The following MYO16 variants were observed in gnomAD, a reference collection of about 807,000 sequenced individuals.
MYO16 encodes unconventional myosin-XVI.
In MYO16, 94 loss-of-function variants were observed where a neutral mutation model predicts 205.3. The ratio of observed to expected loss-of-function variants is 0.46; its 90% CI spans 0.39 to 0.54. The LOEUF (loss-of-function observed/expected upper bound fraction) is 0.54. MYO16 is among the 20% of genes least tolerant of loss of function. MYO16 has a pLI of 0.00. For missense variants in MYO16, 2,315 were observed against 2,387.5 expected, an observed-to-expected ratio of 0.97 and a Z score of 0.63; for synonymous variants, 988 against 954.0, an observed-to-expected ratio of 1.04 and a Z score of -0.66.
chr13:108,914,835 GT>G (rs1376647091), intron 16 of MYO16, among the ~76,000 whole-genome samples: 4 of 152,022 alleles, frequency 2.6e-5, no homozygotes, highest in Non-Finnish European at 5.9e-5. Flanking sequence ...TAGGGACGGG[GT>G]TTCACCATGT....
chr13:108,712,039 G>GTACTAAT (rs1883743557), intron 2 of MYO16, among the ~76,000 whole-genome samples: 1 of 152,160 alleles, frequency 6.6e-6, no homozygotes, highest in African/African-American at 2.4e-5. Context: ...GGCATTCTGT[G>GTACTAAT]TACTAATGAA....
intron 16 of MYO16, among the ~76,000 whole-genome samples, chr13:108,956,793 A>G (rs1341848614): frequency 6.6e-6 from 1 of 152,014 alleles, no homozygotes; most frequent in Non-Finnish European, 1.5e-5. Flanking sequence ...CTTCCTGCAC[A>G]CTTATACCTA....
In MYO16 at chr13:108,798,049, A is replaced by G. The variant is rs151090985; in HGVS notation, c.741+4409A>G. On this transcript the variant is annotated intron_variant, in intron 6 of 34. Coordinates refer to ENST00000457511, the MANE Select transcript of MYO16 (RefSeq NM_001198950.3). Reference sequence around the variant, plus strand: ...ATCTTTGAGCTTTTAACAAGAAAGTAACAATGAACAAAAGGCTAGGATGCT... The same window carrying G: ...ATCTTTGAGCTTTTAACAAGAAAGTGACAATGAACAAAAGGCTAGGATGCT... Among the ~76,000 whole-genome samples, 229 of 142,336 alleles carry G rather than the reference A, an allele frequency of 1.6e-3. 1 individual carries two copies. The highest frequency in any genetic ancestry group is 2.7e-3 in the Non-Finnish European group (177 of 65,164). The allele number at this position is 142,336 out of a possible 152,430, so 93.4% of individuals were successfully genotyped here. A position where few individuals can be genotyped will look rare whatever the true frequency, so the allele number is the denominator to read the frequency against.
intron 23 of MYO16, 141 bp from the exon 24 acceptor site, chr13:109,046,775 T>G (rs986677217): frequency 3.1e-6 from 2 of 645,466 alleles, no homozygotes; most frequent in African/African-American, 3.6e-5. Context: ...GGAACTTGCA[T>G]GTAACGTGAA....
At chr13:109,181,816 A>ATTTTTTTTTTTTTTTTTTTTTT (rs61381548) in intron 34 of MYO16, among the ~76,000 whole-genome samples, 1 of 126,262 alleles carries the variant, frequency 7.9e-6, no homozygotes. Context: ...TTATTTATTT[A>ATTTTTTTTTTTTTTTTTTTTTT]TTTTATTTTA....
chr13:109,047,080 G>A lies in MYO16; in HGVS notation c.2872+89G>A, dbSNP rs1281724240. 5 of 984,686 alleles carry A rather than the reference G, an allele frequency of 5.1e-6. No individual in the cohort carries two copies. The East Asian group carries it at 7.3e-5, about 14-fold the overall frequency. 61.0% of individuals were successfully genotyped at this position (984,686 alleles called of 1,614,324 possible). A position where few individuals can be genotyped will look rare whatever the true frequency, so the allele number is the denominator to read the frequency against. Reference sequence around the variant, plus strand: ...CTCTGAATATTTTCCTAGAAAATATGCTACCAGCTAAAGCATAATTGAAAT... The same window carrying A: ...CTCTGAATATTTTCCTAGAAAATATACTACCAGCTAAAGCATAATTGAAAT... On this transcript the variant is annotated intron_variant, in intron 24 of 34. Coordinates refer to ENST00000457511, the MANE Select transcript of MYO16 (RefSeq NM_001198950.3).
Position 108,792,512 on chromosome 13 carries a change from C to CT in MYO16, c.617-988dup, listed in dbSNP as rs35311611. Among the ~76,000 whole-genome samples the CT allele has an allele frequency of 5.8e-3, 753 of 129,276 alleles. 9 individuals are homozygous for CT. Among genetic ancestry groups the CT allele is most frequent in the African/African-American group, 0.015 (513 of 34,522 alleles). 84.8% of individuals were successfully genotyped at this position (129,276 alleles called of 152,430 possible). A position where few individuals can be genotyped will look rare whatever the true frequency, so the allele number is the denominator to read the frequency against. ...AGTTTTCCAGTTTTTATACTAATGT[C>CT]TTTTTTTTTTTTTTTTGAGATGGAG... On this transcript the variant is annotated intron_variant, in intron 5 of 34. Coordinates refer to ENST00000457511, the MANE Select transcript of MYO16 (RefSeq NM_001198950.3).
At chr13:108,626,100 G>C (rs922894759), upstream of MYO16, among the ~76,000 whole-genome samples, 16 of 151,598 alleles carry the variant, frequency 1.1e-4, no homozygotes, top group African/African-American at 3.4e-4. Flanking sequence ...TTTGTTTTTG[G>C]CTGGGAAATA....
chr13:109,100,977 C>CA, intron 28 of MYO16, 90 bp downstream of exon 28: 1 of 1,128,340 alleles, frequency 8.9e-7, no homozygotes, highest in Non-Finnish European at 1.3e-6. Context: ...ATCTTCCTGG[C>CA]AAAAACAAAT....
intron 21 of MYO16, among the ~76,000 whole-genome samples, chr13:108,998,428 T>C (rs1394738988): frequency 1.3e-5 from 2 of 152,160 alleles, no homozygotes; most frequent in African/African-American, 4.8e-5. Flanking sequence ...AAGGTACAAA[T>C]GTTAAAAGGG....
chr13:109,019,570 A>G, intron 22 of MYO16, 141 bp from the exon 23 acceptor site: 1 of 643,316 alleles, frequency 1.6e-6, no homozygotes, highest in Non-Finnish European at 2.6e-6. Flanking sequence ...AGAAATAGAA[A>G]TATATTAAGG....
chr13:109,132,832 G>A (rs1337281659), intron 31 of MYO16, among the ~76,000 whole-genome samples: 1 of 152,182 alleles, frequency 6.6e-6, no homozygotes, highest in Non-Finnish European at 1.5e-5. Flanking sequence ...TCTTCCATGA[G>A]CCTGGATTCT....
At chr13:108,956,758 C>T (rs1411463696) in intron 16 of MYO16, among the ~76,000 whole-genome samples, 1 of 152,168 alleles carries the variant, frequency 6.6e-6, no homozygotes, top group African/African-American at 2.4e-5. Context: ...TGTGTTTCCT[C>T]ATTGCCTACT....
chr13:109,109,671 A>G (rs559525078), intron 28 of MYO16, among the ~76,000 whole-genome samples: 11 of 150,362 alleles, frequency 7.3e-5, no homozygotes, highest in South Asian at 6.2e-4. Flanking sequence ...TTTAAAACCA[A>G]AATATTAATG....
At chr13:108,608,835 G>T (rs571923218) in intron 1 of MYO16, among the ~76,000 whole-genome samples, 1 of 151,992 alleles carries the variant, frequency 6.6e-6, no homozygotes. Context: ...GTAAAGACAG[G>T]GTTTCACCAT....
At chr13:108,912,800 C>T (rs1024024132) in intron 16 of MYO16, among the ~76,000 whole-genome samples, 9 of 151,916 alleles carry the variant, frequency 5.9e-5, no homozygotes, top group African/African-American at 1.9e-4. Flanking sequence ...CAAGCAGATA[C>T]GTAGCTTAGA....
the MYO16 span, among the ~76,000 whole-genome samples, chr13:108,534,752 C>T: frequency 6.6e-6 from 1 of 151,310 alleles, no homozygotes; most frequent in East Asian, 1.9e-4. Flanking sequence ...ACAACTCCTC[C>T]TCCTCCTCCT....
chr13:108,917,953 C>T lies in MYO16; in HGVS notation c.1925+7803C>T, dbSNP rs568275586. 3.9e-5 allele frequency among the ~76,000 whole-genome samples: 6 copies of T among 152,304 alleles called. No homozygotes were observed. In the South Asian group the frequency reaches 1.0e-3, roughly 26 times the overall value. ...TGTGGAAGATTATAATTGATTTCCC[C>T]GTGTTGCAGACGAAGTGACTGAGAA... On this transcript the variant is annotated intron_variant, in intron 16 of 34. Coordinates refer to ENST00000457511, the MANE Select transcript of MYO16 (RefSeq NM_001198950.3).
chr13:109,024,223 T>A (rs1886285014), intron 23 of MYO16, among the ~76,000 whole-genome samples: 1 of 151,708 alleles, frequency 6.6e-6, no homozygotes, highest in Non-Finnish European at 1.5e-5. Flanking sequence ...TCAGGCTATA[T>A]TTTCTTCATA....
Sources: allele counts gnomAD v4.1 joint callset (sites outside exome capture counted in the v4.1 genomes callset), GRCh38; gene constraint gnomAD v4.1.1; transcripts MANE v1.5; gene names NCBI Gene and HGNC (gene_info 2026-07-23, HGNC 2026-07-21).